ACOXL: variants seen among roughly 807,000 people sequenced by gnomAD.
ACOXL encodes acyl-coenzyme A oxidase-like protein.
A neutral mutation model predicts 71.9 loss-of-function variants in ACOXL; 70 were observed. That is an observed-to-expected ratio of 0.97 (90% CI 0.80 to 1.19). The LOEUF (loss-of-function observed/expected upper bound fraction) is 1.19, where lower values mean the gene tolerates loss of function less well. Among genes scored for constraint, ACOXL ranks in the 50% most tolerant of loss-of-function variants. The pLI, the probability that ACOXL is intolerant of heterozygous loss-of-function variation, is 0.00. For missense variants in ACOXL, 703 were observed against 736.3 expected, an observed-to-expected ratio of 0.95 and a Z score of 0.52; for synonymous variants, 253 against 281.6, an observed-to-expected ratio of 0.90 and a Z score of 1.02.
At chr2:110,898,400 G>C (rs1282450431) in intron 10 of ACOXL, among the ~76,000 whole-genome samples, 1 of 152,154 alleles carries the variant, frequency 6.6e-6, no homozygotes, top group African/African-American at 2.4e-5. Flanking sequence ...TCACAGCCAA[G>C]TGTGATTTAT....
intron 16 of ACOXL, among the ~76,000 whole-genome samples, chr2:111,060,907 G>C (rs1348040976): frequency 2.0e-5 from 3 of 152,162 alleles, no homozygotes; most frequent in Non-Finnish European, 2.9e-5. Context: ...CTCAACAGCA[G>C]AATGGAGAGA....
chr2:110,952,533 C>A (rs2061367189), intron 12 of ACOXL, among the ~76,000 whole-genome samples: 1 of 152,136 alleles, frequency 6.6e-6, no homozygotes, highest in Non-Finnish European at 1.5e-5. Flanking sequence ...GTGATCGTGG[C>A]CCTTGGGCTC....
chr2:111,089,549 C>T (rs1396372041), intron 16 of ACOXL, among the ~76,000 whole-genome samples: 1 of 152,050 alleles, frequency 6.6e-6, no homozygotes, highest in Admixed American at 6.5e-5. Context: ...ATAAAGAACT[C>T]CTTGGGGAGT....
intron 15 of ACOXL, among the ~76,000 whole-genome samples, chr2:111,039,444 C>G (rs1010783732): frequency 2.7e-5 from 4 of 150,648 alleles, no homozygotes; most frequent in African/African-American, 9.7e-5. Context: ...CTCTGAGATA[C>G]AATCGTTTAA....
chr2:110,900,193 T>C (rs1430667901), intron 10 of ACOXL, among the ~76,000 whole-genome samples: 1 of 150,180 alleles, frequency 6.7e-6, no homozygotes, highest in Non-Finnish European at 1.5e-5. Context: ...TCATTATCTT[T>C]AATTTAAGGT....
chr2:110,886,274 G>A lies in ACOXL; in HGVS notation c.789-22515G>A, dbSNP rs556824434. 6.6e-5 allele frequency among the ~76,000 whole-genome samples: 10 copies of A among 152,012 alleles called. No individual in the cohort carries two copies. The South Asian group carries it at 1.2e-3, about 19-fold the overall frequency. On this transcript the variant is annotated intron_variant, in intron 10 of 17. Coordinates refer to ENST00000439055, the MANE Select transcript of ACOXL (RefSeq NM_001142807.4). ...TATTTTAATGTTAAAAACTAGTTTG[G>A]CATTTTTAACCATGGGTCGGCCACA...
At chr2:110,887,454 T>C (rs1354306767) in intron 10 of ACOXL, 1 of 152,444 alleles carries the variant, frequency 6.6e-6, no homozygotes. Flanking sequence ...AATTTACTAT[T>C]ACTTTATTTT....
chr2:111,045,349 G>A (rs1279927400), intron 15 of ACOXL, among the ~76,000 whole-genome samples: 1 of 152,220 alleles, frequency 6.6e-6, no homozygotes, highest in East Asian at 1.9e-4. Flanking sequence ...AACTTGTCAT[G>A]AGGCTTCTCT....
chr2:111,117,966 C>G lies in ACOXL; in HGVS notation c.*150C>G. 1.1e-6 allele frequency: 1 copy of G among 927,576 alleles called. No homozygotes were observed. The highest frequency in any genetic ancestry group is 1.6e-6 in the Non-Finnish European group (1 of 635,084). The allele number at this position is 927,576 out of a possible 1,614,324, so 57.5% of individuals were successfully genotyped here. A position where few individuals can be genotyped will look rare whatever the true frequency, so the allele number is the denominator to read the frequency against. ...TGGCAAAGCGGAGGTCCCGCCGAGG[C>G]TGGCGAGGTGCGCGGCTGGCTGCTA... On this transcript the variant is annotated 3_prime_UTR_variant, in exon 18 of 18. Transcript: ENST00000439055.
rs142129096 is a variant in ACOXL, at chr2:111,019,664, C to T, written c.1282-11963C>T. On this transcript the variant is annotated intron_variant, in intron 14 of 17. Transcript: ENST00000439055. ...GTGACAAAAATGGTCAAGTCTTCAC[C>T]AGGCATAGACTTTGTCTTTGGGGTC... Among the ~76,000 whole-genome samples, 522 of 152,220 alleles carry T rather than the reference C, an allele frequency of 3.4e-3. 4 individuals are homozygous for T. The highest frequency in any genetic ancestry group is 0.012 in the African/African-American group (498 of 41,536).
At chr2:110,880,945 T>G (rs1009493035) in intron 10 of ACOXL, among the ~76,000 whole-genome samples, 1 of 152,254 alleles carries the variant, frequency 6.6e-6, no homozygotes, top group Non-Finnish European at 1.5e-5. Flanking sequence ...TCTGGATTTT[T>G]AATCTCTTAG....
intron 11 of ACOXL, among the ~76,000 whole-genome samples, chr2:110,913,197 T>G (rs542404160): frequency 1.3e-5 from 2 of 152,324 alleles, no homozygotes; most frequent in East Asian, 1.9e-4. Flanking sequence ...AGCTTGGCAG[T>G]TCTCCAAAAT....
rs908987735 is a variant in ACOXL, at chr2:111,031,725, T to C, written c.1369+11T>C. The C allele has an allele frequency of 1.2e-6, 2 of 1,613,800 alleles. No homozygotes were observed. The highest frequency in any genetic ancestry group is 1.7e-6 in the Non-Finnish European group (2 of 1,179,726). ...CACACACTCACCGAGGTCAGTTGGC[T>C]CCTGTTGAATATTTGTAATTGAGTG... is the stretch of plus-strand genomic sequence containing the variant. On this transcript the variant is annotated intron_variant, in intron 15 of 17. Transcript: ENST00000439055.
At chr2:110,803,611 G>C (rs985605814) in intron 8 of ACOXL, among the ~76,000 whole-genome samples, 5 of 152,152 alleles carry the variant, frequency 3.3e-5, no homozygotes, top group Non-Finnish European at 1.5e-5. Flanking sequence ...CTGGGTTTAA[G>C]CAGTCTATTA....
chr2:110,818,907 G>T (rs1444948925), intron 9 of ACOXL, among the ~76,000 whole-genome samples: 1 of 67,086 alleles, frequency 1.5e-5, no homozygotes, highest in African/African-American at 3.3e-5. Flanking sequence ...GCTAGAATTG[G>T]CCTGTTGGGC....
At chr2:110,816,381 G>A (rs1488359734) in intron 9 of ACOXL, among the ~76,000 whole-genome samples, 1 of 152,170 alleles carries the variant, frequency 6.6e-6, no homozygotes, top group African/African-American at 2.4e-5. Flanking sequence ...TGGGTCATCT[G>A]GTGGCATTTA....
chr2:110,829,229 T>A (rs1260455819), intron 9 of ACOXL, among the ~76,000 whole-genome samples: 1 of 152,212 alleles, frequency 6.6e-6, no homozygotes, highest in African/African-American at 2.4e-5. Context: ...TCCTTTGTAG[T>A]TTTCTATCTG....
At chr2:110,901,639 A>G (rs1335992909) in intron 10 of ACOXL, among the ~76,000 whole-genome samples, 3 of 106,722 alleles carry the variant, frequency 2.8e-5, no homozygotes, top group Non-Finnish European at 5.9e-5. Context: ...ATATATCTCT[A>G]CGCCACACAC....
intron 14 of ACOXL, among the ~76,000 whole-genome samples, chr2:111,023,870 C>T (rs922614428): frequency 6.6e-6 from 1 of 152,198 alleles, no homozygotes; most frequent in South Asian, 2.1e-4. Flanking sequence ...TCCTAGGCTG[C>T]GATGGTGGAA....
Sources: gnomAD v4.1 joint callset for allele counts (sites outside exome capture counted in the v4.1 genomes callset) on GRCh38, gnomAD v4.1.1 for gene constraint, MANE v1.5 for transcripts, NCBI Gene and HGNC (gene_info 2026-07-23, HGNC 2026-07-21) for gene names.